The following LARP4 variants were observed in gnomAD, a reference collection of about 807,000 sequenced individuals.
The protein encoded by LARP4 is la-related protein 4.
Under a neutral mutation model 92.9 loss-of-function variants are expected in LARP4, and 29 were observed. The ratio of observed to expected loss-of-function variants is 0.31; its 90% CI spans 0.23 to 0.43. The LOEUF is 0.43. Ranked by LOEUF, LARP4 falls within the 20% of genes least tolerant of loss-of-function variation. LARP4 has a pLI of 1.00. For synonymous variants in LARP4, 279 were observed against 284.1 expected (o/e 0.98, Z 0.18); for missense variants, 732 against 860.0 (o/e 0.85, Z 1.86).
rs932705958 is a variant in LARP4, at chr12:50,478,335, A to T, written c.*2471A>T. On this transcript the variant is annotated 3_prime_UTR_variant, in exon 16 of 16. Transcript: ENST00000398473. ...AGAGTGAGAGAGTGTGTGTGTGTGT[A>T]TGTGTGTGTAATATTTATATATATT... 6.6e-6 allele frequency: 1 copy of T among 151,458 alleles called. No homozygotes were observed. The highest frequency in any genetic ancestry group is 1.5e-5 in the Non-Finnish European group (1 of 67,646). The allele number at this position is 151,458 out of a possible 1,614,324, so 9.4% of individuals were successfully genotyped here. A position where few individuals can be genotyped will look rare whatever the true frequency, so the allele number is the denominator to read the frequency against.
chr12:50,412,084 A>G (rs12321237), intron 1 of LARP4, among the ~76,000 whole-genome samples: 3 of 152,294 alleles, frequency 2.0e-5, no homozygotes, highest in East Asian at 3.9e-4. Context: ...CTTGTCTGTA[A>G]AATGTGGATG....
In LARP4 at chr12:50,461,331, G is replaced by T; in HGVS notation, c.1318G>T (p.Asp440Tyr). ...TSTLQVEQNGDYGRGRRTLFR... is the reference protein window; with the variant it reads ...TSTLQVEQNGYYGRGRRTLFR... Reference sequence around the variant, plus strand: ...CACTTTGCAGGTGGAACAGAATGGGGACTATGGTAGGGGCAGGTAAGAAAA... The same window carrying T: ...CACTTTGCAGGTGGAACAGAATGGGTACTATGGTAGGGGCAGGTAAGAAAA... Residue 440 changes from aspartate to tyrosine, a missense_variant, in exon 11 of 16, where the codon GAC becomes TAC. Asp to Tyr is a radical substitution (Grantham distance 160). This residue lies in a region of LARP4 where 264 missense variants were observed against 269.5 expected (regional missense o/e 0.98). Transcript: ENST00000398473. 6.2e-7 allele frequency: 1 copy of T among 1,613,956 alleles called. No homozygotes were observed. The highest frequency in any genetic ancestry group is 1.1e-5 in the South Asian group (1 of 91,058).
intron 10 of LARP4, 63 bp downstream of exon 10, chr12:50,454,480 A>G: frequency 1.6e-6 from 2 of 1,223,848 alleles, no homozygotes; most frequent in African/African-American, 1.5e-5. Context: ...TAAGGCATTA[A>G]TAGCAATGTT....
intron 8 of LARP4, among the ~76,000 whole-genome samples, chr12:50,445,937 C>A (rs972984839): frequency 6.6e-6 from 1 of 150,714 alleles, no homozygotes; most frequent in Non-Finnish European, 1.5e-5. Context: ...TTTTTTGATT[C>A]TTTTTCACCT....
chr12:50,456,846 G>C (rs1316949391), intron 10 of LARP4, among the ~76,000 whole-genome samples: 1 of 152,128 alleles, frequency 6.6e-6, no homozygotes, highest in African/African-American at 2.4e-5. Flanking sequence ...GTTGGATGAA[G>C]GACATTTTCT....
intron 10 of LARP4, among the ~76,000 whole-genome samples, chr12:50,459,133 G>A (rs564782707): frequency 9.2e-5 from 14 of 152,176 alleles, no homozygotes; most frequent in African/African-American, 3.1e-4. Context: ...TGAATAGCTG[G>A]GATTACAGGT....
At chr12:50,423,820 C>T (rs1051053285) in intron 1 of LARP4, among the ~76,000 whole-genome samples, 18 of 150,210 alleles carry the variant, frequency 1.2e-4, no homozygotes, top group African/African-American at 7.4e-5. Flanking sequence ...GATGCAATTT[C>T]GGCTCACTGC....
intron 8 of LARP4, among the ~76,000 whole-genome samples, chr12:50,444,527 G>A (rs1227020589): frequency 1.3e-5 from 2 of 152,132 alleles, no homozygotes; most frequent in Non-Finnish European, 1.5e-5. Context: ...TGGAAAGACA[G>A]GTGCAGAAGC....
chr12:50,438,292 A>G (rs1422519145), intron 6 of LARP4, among the ~76,000 whole-genome samples: 1 of 152,016 alleles, frequency 6.6e-6, no homozygotes, highest in Non-Finnish European at 1.5e-5. Flanking sequence ...AGGTCAGGAG[A>G]TGGAGACCAT....
chr12:50,459,940 C>G (rs767723369), intron 10 of LARP4, among the ~76,000 whole-genome samples: 20 of 151,780 alleles, frequency 1.3e-4, no homozygotes, highest in Non-Finnish European at 2.1e-4. Flanking sequence ...AGTTCAAGAC[C>G]AGCCTGGCCA....
At chr12:50,473,822 G>T (rs1383269930) in intron 14 of LARP4, among the ~76,000 whole-genome samples, 177 bp from the exon 15 acceptor site, 2 of 135,918 alleles carry the variant, frequency 1.5e-5, no homozygotes, top group East Asian at 2.3e-4. Context: ...GGTGGGGGGG[G>T]TGGGGGGTGC....
At chr12:50,446,791 C>G (rs1422651372) in intron 8 of LARP4, among the ~76,000 whole-genome samples, 2 of 152,000 alleles carry the variant, frequency 1.3e-5, no homozygotes, top group African/African-American at 4.8e-5. Context: ...GACATTTTAA[C>G]ATTAAAGTGT....
chr12:50,408,421 T>C (rs1043015370), intron 1 of LARP4, among the ~76,000 whole-genome samples: 10 of 151,986 alleles, frequency 6.6e-5, no homozygotes, highest in African/African-American at 2.4e-4. Context: ...GGTCTCGAAC[T>C]CCCAACCTCA....
intron 12 of LARP4, among the ~76,000 whole-genome samples, chr12:50,463,335 G>C (rs1464973982): frequency 7.1e-6 from 1 of 141,750 alleles, no homozygotes; most frequent in Non-Finnish European, 1.5e-5. Flanking sequence ...TGTAATGTCA[G>C]CTCTTTGTGA....
At chr12:50,402,748 T>G (rs1944103235) in intron 1 of LARP4, 1 of 454,896 alleles carries the variant, frequency 2.2e-6, no homozygotes, top group South Asian at 1.6e-5. Context: ...GGGATTTAGA[T>G]CCAGGTCATG....
intron 2 of LARP4, 72 bp from the exon 3 acceptor site, chr12:50,428,863 A>G: frequency 2.6e-6 from 3 of 1,167,222 alleles, no homozygotes; most frequent in Non-Finnish European, 2.4e-6. Flanking sequence ...TATAGGTGAC[A>G]TACTGCCCAG....
chr12:50,470,503 G>A (rs930664384), intron 13 of LARP4, among the ~76,000 whole-genome samples: 3 of 150,958 alleles, frequency 2.0e-5, no homozygotes, highest in African/African-American at 4.9e-5. Flanking sequence ...GCGCGATCTC[G>A]GCTCACTGCA....
Position 50,435,554 on chromosome 12 carries a change from G to A in LARP4, c.465G>A (p.Trp155Ter). 6.2e-7 allele frequency: 1 copy of A among 1,602,934 alleles called. No individual in the cohort carries two copies. Among genetic ancestry groups the A allele is most frequent in the Non-Finnish European group, 8.5e-7 (1 of 1,170,188 alleles). ...ATAGTGATCAGTTCATCCCAATTTG[G>A]ACAGTTGCCAACATGGAAGAAATAA... ...QMDSDQFIPI[W>*]TVANMEEIKK... Residue 155 changes from tryptophan to a stop codon, truncating the protein, a stop_gained, in exon 5 of 16, where the codon TGG (tryptophan) becomes TGA (stop). Transcript: ENST00000398473. LOFTEE classifies it high-confidence loss of function.
At chr12:50,434,782 C>T (rs990634497) in intron 4 of LARP4, among the ~76,000 whole-genome samples, 3 of 151,996 alleles carry the variant, frequency 2.0e-5, no homozygotes, top group South Asian at 2.1e-4. Context: ...CGCTGGCTCA[C>T]GCCTGTAATC....
Sources: allele counts gnomAD v4.1 joint callset (sites outside exome capture counted in the v4.1 genomes callset), GRCh38; gene constraint gnomAD v4.1.1; regional missense constraint gnomAD v4.1.1; transcripts MANE v1.5; gene names NCBI Gene and HGNC (gene_info 2026-07-23, HGNC 2026-07-21).